Variants in UBE2L6 observed in about 807,000 individuals in gnomAD.
The protein encoded by UBE2L6 is ubiquitin conjugating enzyme E2 L6.
In UBE2L6, 11 loss-of-function variants were observed where a neutral mutation model predicts 13.6. That is an observed-to-expected ratio of 0.81 (90% CI 0.51 to 1.34). The LOEUF (loss-of-function observed/expected upper bound fraction) is 1.34. UBE2L6 is among the 40% of genes most tolerant of loss of function. The pLI, the probability that UBE2L6 is intolerant of heterozygous loss-of-function variation, is 0.00. For missense variants in UBE2L6, 197 were observed against 199.5 expected (o/e 0.99, Z 0.07); for synonymous variants, 74 against 83.2 (o/e 0.89, Z 0.60).
intron 1 of UBE2L6, among the ~76,000 whole-genome samples, chr11:57,564,112 C>G (rs772892951): frequency 4.6e-5 from 7 of 152,048 alleles, no homozygotes; most frequent in Non-Finnish European, 1.0e-4. Context: ...TTATAGAACA[C>G]CAAGCAGACT....
At chr11:57,552,677 A>G (rs1368720554) in intron 3 of UBE2L6, among the ~76,000 whole-genome samples, 168 bp from the exon 4 acceptor site, 1 of 152,154 alleles carries the variant, frequency 6.6e-6, no homozygotes, top group Admixed American at 6.5e-5. Context: ...GGCTGGTGAC[A>G]CCCAAGGCCT....
At chr11:57,567,376 G>A in intron 1 of UBE2L6, 1 of 689,112 alleles carries the variant, frequency 1.5e-6, no homozygotes, top group Non-Finnish European at 2.5e-6. Context: ...CTCAAGCAGA[G>A]GCCTCCAAAC....
chr11:57,557,347 T>C (rs1010619223), intron 2 of UBE2L6, among the ~76,000 whole-genome samples: 4 of 151,242 alleles, frequency 2.6e-5, no homozygotes, highest in African/African-American at 4.9e-5. Flanking sequence ...CCACCATGAG[T>C]GGAAGCTTCC....
At chr11:57,564,531 G>A (rs1043112350) in intron 1 of UBE2L6, among the ~76,000 whole-genome samples, 2 of 152,212 alleles carry the variant, frequency 1.3e-5, no homozygotes, top group African/African-American at 4.8e-5. Context: ...GGCTGGGCAT[G>A]GTGGCTCACG....
intron 2 of UBE2L6, among the ~76,000 whole-genome samples, chr11:57,557,827 G>T (rs890636065): frequency 6.6e-6 from 1 of 152,220 alleles, no homozygotes; most frequent in Non-Finnish European, 1.5e-5. Flanking sequence ...CCTGCCTGAA[G>T]GGGCTTCTTT....
chr11:57,564,040 C>T (rs994834619), intron 1 of UBE2L6, among the ~76,000 whole-genome samples: 4 of 152,150 alleles, frequency 2.6e-5, no homozygotes, highest in South Asian at 2.1e-4. Context: ...TTTATTCAAA[C>T]GGATAGTAGC....
chr11:57,563,120 T>C (rs148286491), intron 1 of UBE2L6, among the ~76,000 whole-genome samples: 16 of 152,150 alleles, frequency 1.1e-4, no homozygotes, highest in Admixed American at 9.8e-4. Context: ...AGAGAAGGAA[T>C]TCAGAATCCC....
chr11:57,558,599 T>C (rs1005561702), intron 2 of UBE2L6, among the ~76,000 whole-genome samples: 1 of 152,164 alleles, frequency 6.6e-6, no homozygotes, highest in Non-Finnish European at 1.5e-5. Flanking sequence ...TGTCGTGTGC[T>C]TAAAACAGCA....
intron 1 of UBE2L6, 159 bp downstream of exon 1, chr11:57,567,426 C>T: frequency 9.3e-7 from 1 of 1,075,268 alleles, no homozygotes; most frequent in South Asian, 1.5e-5. Flanking sequence ...CAGGCCAGTC[C>T]TCCTCTGAGT....
intron 2 of UBE2L6, among the ~76,000 whole-genome samples, chr11:57,558,235 T>G (rs1945012029): frequency 6.6e-6 from 1 of 151,992 alleles, no homozygotes; most frequent in Non-Finnish European, 1.5e-5. Context: ...CCCACAACCA[T>G]GCCCAGCTAA....
intron 1 of UBE2L6, 33 bp from the exon 2 acceptor site, chr11:57,560,465 C>T (rs898737266): frequency 2.0e-6 from 3 of 1,530,010 alleles, no homozygotes; most frequent in Non-Finnish European, 1.8e-6. Flanking sequence ...GGCAGTTGGC[C>T]TAGTCCTCCT....
chr11:57,560,696 C>T (rs11229057), intron 1 of UBE2L6, among the ~76,000 whole-genome samples: 35,867 of 150,642 alleles, frequency 0.24, 4,546 homozygotes, highest in African/African-American at 0.31. Context: ...TCTCGGCTCC[C>T]TGCAAGCTCC....
chr11:57,561,700 A>G lies in UBE2L6; in HGVS notation c.28-1268T>C, dbSNP rs537314888. ...AGTACATTTGGTAAATCTCGGCTAA[A>G]GAGGTTTCTTCACTGGAGAACTTCC... On this transcript the variant is annotated intron_variant, in intron 1 of 3. Transcript: ENST00000287156. Among the ~76,000 whole-genome samples, 3 of 152,316 alleles carry G rather than the reference A, an allele frequency of 2.0e-5. No homozygotes were observed. In the East Asian group the frequency reaches 5.8e-4, roughly 29 times the overall value.
chr11:57,560,246 G>A, intron 2 of UBE2L6, 91 bp downstream of exon 2: 4 of 978,004 alleles, frequency 4.1e-6, no homozygotes, highest in South Asian at 1.3e-5. Context: ...TCTCAAGCAG[G>A]GAAAATTCTT....
intron 1 of UBE2L6, chr11:57,566,903 G>A (rs571866470): frequency 2.3e-6 from 1 of 433,410 alleles, no homozygotes; most frequent in East Asian, 7.1e-5. Flanking sequence ...GTCCCTGATA[G>A]GAACAAAATT....
In UBE2L6 at chr11:57,567,627, G is replaced by A. The variant is rs760461619; in HGVS notation, c.-16C>T. 5.6e-6 allele frequency: 9 copies of A among 1,605,320 alleles called. No homozygotes were observed. The Admixed American group carries it at 1.4e-4, about 24-fold the overall frequency. On this transcript the variant is annotated 5_prime_UTR_variant, in exon 1 of 4. Transcript: ENST00000287156. ...TCGCCATCATGTCGGGACCGAGTGT[G>A]TGGCACCCGTGGCCTCCAGCAGGAC...
intron 1 of UBE2L6, among the ~76,000 whole-genome samples, chr11:57,563,208 G>A (rs996445858): frequency 1.3e-5 from 2 of 152,018 alleles, no homozygotes; most frequent in Non-Finnish European, 2.9e-5. Flanking sequence ...ATGCAATTGA[G>A]GCCGGGTGCA....
At chr11:57,560,782 C>G (rs935651811) in intron 1 of UBE2L6, among the ~76,000 whole-genome samples, 1 of 151,724 alleles carries the variant, frequency 6.6e-6, no homozygotes, top group African/African-American at 2.4e-5. Flanking sequence ...CACCACGCCC[C>G]GCTAATTTTT....
chr11:57,556,313 G>C (rs111299947), intron 2 of UBE2L6, among the ~76,000 whole-genome samples: 150 of 152,242 alleles, frequency 9.9e-4, no homozygotes, highest in African/African-American at 3.3e-3. Context: ...GGCCGGGCAC[G>C]ATGGCTCACG....
Sources: allele counts gnomAD v4.1 joint callset (sites outside exome capture counted in the v4.1 genomes callset), GRCh38; gene constraint gnomAD v4.1.1; transcripts MANE v1.5; gene names NCBI Gene and HGNC (gene_info 2026-07-23, HGNC 2026-07-21).